DDX60: variants seen among roughly 807,000 people sequenced by gnomAD.
The protein encoded by DDX60 is DExD/H-box helicase 60.
Under a neutral mutation model 212.8 loss-of-function variants are expected in DDX60, and 165 were observed. The ratio of observed to expected loss-of-function variants is 0.78; its 90% CI spans 0.68 to 0.88. The LOEUF (loss-of-function observed/expected upper bound fraction) is 0.88, where lower values mean the gene tolerates loss of function less well. Ranked by LOEUF, DDX60 falls within the 40% of genes least tolerant of loss-of-function variation. The pLI is 0.00. For missense variants in DDX60, 1,905 were observed against 2,003.9 expected (o/e 0.95, Z 0.94); for synonymous variants, 703 against 685.3 (o/e 1.03, Z -0.40).
intron 5 of DDX60, among the ~76,000 whole-genome samples, chr4:168,303,474 T>G (rs1736739002): frequency 6.6e-6 from 1 of 152,066 alleles, no homozygotes. Context: ...GCAACCAGAA[T>G]TGAAAATAGT....
intron 12 of DDX60, 23 bp from the exon 13 acceptor site, chr4:168,283,629 T>C (rs1735693150): frequency 1.3e-6 from 2 of 1,565,882 alleles, no homozygotes; most frequent in African/African-American, 2.7e-5. Flanking sequence ...AGACTTAAAA[T>C]GTAACTTTAT....
intron 14 of DDX60, 86 bp downstream of exon 14, chr4:168,280,249 A>G (rs1384675969): frequency 6.7e-7 from 1 of 1,500,176 alleles, no homozygotes. Context: ...TTCTAATGCA[A>G]ATTTCCAGTT....
chr4:168,291,902 T>C lies in DDX60; in HGVS notation c.887A>G (p.Asn296Ser), dbSNP rs766420171. The C allele has an allele frequency of 1.2e-6, 2 of 1,604,696 alleles. No homozygotes were observed. The highest frequency in any genetic ancestry group is 1.7e-5 in the Admixed American group (1 of 57,960). Residue 296 changes from asparagine to serine, a missense_variant, in exon 8 of 38, where the codon AAC becomes AGC. Transcript: ENST00000393743. ...SGQETEIQQV[N>S]SNCLTLQEME... Reference sequence around the variant, plus strand: ...CTCCTGCAGGGTTAAGCAATTACTGTTCACCTGAATAAAATAAAGAAGGTA... The same window carrying C: ...CTCCTGCAGGGTTAAGCAATTACTGCTCACCTGAATAAAATAAAGAAGGTA...
chr4:168,239,403 T>C (rs951518146), intron 30 of DDX60, among the ~76,000 whole-genome samples: 1 of 147,700 alleles, frequency 6.8e-6, no homozygotes, highest in Admixed American at 6.7e-5. Context: ...GATAGATAGA[T>C]AGATAGATAG....
At chr4:168,223,268 G>A (rs1044971723) in intron 35 of DDX60, among the ~76,000 whole-genome samples, 2 of 151,744 alleles carry the variant, frequency 1.3e-5, no homozygotes, top group South Asian at 2.1e-4. Context: ...TTGTATGTAC[G>A]CTTAGCATTA....
chr4:168,302,541 C>G, intron 5 of DDX60, 125 bp from the exon 6 acceptor site: 1 of 447,476 alleles, frequency 2.2e-6, no homozygotes, highest in Non-Finnish European at 3.9e-6. Context: ...AAAAAATATG[C>G]CAATGTAATT....
chr4:168,267,771 C>A, intron 21 of DDX60, 70 bp downstream of exon 21: 2 of 1,541,452 alleles, frequency 1.3e-6, no homozygotes, highest in East Asian at 2.3e-5. Context: ...GCATCAAGAT[C>A]AAGGCAATGG....
chr4:168,272,282 GTTTCAT>G lies in DDX60; in HGVS notation c.2575-150_2575-145del, dbSNP rs1271590537. On this transcript the variant is annotated intron_variant, in intron 18 of 37. Transcript: ENST00000393743. ...ATAACATTGCTTCTGAGAATTCAGG[GTTTCAT>G]CAAAACTGTGCTATATTCATTGGAA... 1.8e-5 allele frequency: 12 copies of G among 668,442 alleles called. No homozygotes were observed. The East Asian group carries it at 3.4e-4, about 19-fold the overall frequency. 41.4% of individuals were successfully genotyped at this position (668,442 alleles called of 1,614,324 possible). A position where few individuals can be genotyped will look rare whatever the true frequency, so the allele number is the denominator to read the frequency against.
intron 15 of DDX60, 65 bp from the exon 16 acceptor site, chr4:168,275,568 A>C (rs943046719): frequency 5.9e-6 from 8 of 1,366,042 alleles, no homozygotes; most frequent in Non-Finnish European, 6.0e-6. Context: ...AAATAAGTAA[A>C]ACATTTATTA....
intron 36 of DDX60, among the ~76,000 whole-genome samples, chr4:168,221,066 T>C (rs1391052660): frequency 6.6e-6 from 1 of 152,180 alleles, no homozygotes; most frequent in Non-Finnish European, 1.5e-5. Context: ...GCTGCTTTAT[T>C]CACAATGAGT....
chr4:168,282,880 C>T (rs1263788255), intron 13 of DDX60, among the ~76,000 whole-genome samples: 1 of 152,010 alleles, frequency 6.6e-6, no homozygotes, highest in East Asian at 1.9e-4. Context: ...CTTATTTACT[C>T]CTTGTATTCC....
intron 34 of DDX60, 114 bp from the exon 35 acceptor site, chr4:168,224,499 A>G: frequency 1.0e-6 from 1 of 994,852 alleles, no homozygotes; most frequent in Non-Finnish European, 1.5e-6. Context: ...CATGTAATGA[A>G]GACTGAAATG....
At chr4:168,252,734 G>T in intron 26 of DDX60, 78 bp from the exon 27 acceptor site, 1 of 1,182,402 alleles carries the variant, frequency 8.5e-7, no homozygotes, top group Non-Finnish European at 1.2e-6. Context: ...GGCCACCAGA[G>T]GATGCCCAAG....
intron 10 of DDX60, among the ~76,000 whole-genome samples, chr4:168,286,183 A>T (rs543045865): frequency 6.6e-6 from 1 of 152,158 alleles, no homozygotes; most frequent in African/African-American, 2.4e-5. Flanking sequence ...TTTTATTTTC[A>T]AATGTGAATT....
rs1579060581 is a variant in DDX60, at chr4:168,292,047, T to C, written c.883-141A>G. On this transcript the variant is annotated intron_variant, in intron 7 of 37. Transcript: ENST00000393743. ...TTCCTTTCTTTCTTTCTTTCTTTCTTTCTTTTTTTTTTTTTTTTTGAGACA... is the reference window on the plus strand; with the variant it reads ...TTCCTTTCTTTCTTTCTTTCTTTCTCTCTTTTTTTTTTTTTTTTTGAGACA... 8.7e-6 allele frequency: 4 copies of C among 459,772 alleles called. No homozygotes were observed. In the East Asian group the frequency reaches 1.4e-4, roughly 17 times the overall value. 28.5% of individuals were successfully genotyped at this position (459,772 alleles called of 1,614,324 possible).
chr4:168,280,258 T>G, intron 14 of DDX60, 77 bp downstream of exon 14: 2 of 1,516,034 alleles, frequency 1.3e-6, no homozygotes, highest in Non-Finnish European at 1.8e-6. Context: ...AAATTTCCAG[T>G]TAACAAATGG....
chr4:168,305,739 T>C (rs1220070117), intron 5 of DDX60, among the ~76,000 whole-genome samples: 2 of 151,690 alleles, frequency 1.3e-5, no homozygotes. Context: ...AATATACTAA[T>C]GTATCAAAAT....
chr4:168,224,457 T>G, intron 34 of DDX60, 72 bp from the exon 35 acceptor site: 46 of 1,450,184 alleles, frequency 3.2e-5, no homozygotes, highest in Non-Finnish European at 3.6e-5. Context: ...ATACTTTCTC[T>G]AGACCATGTT....
At chr4:168,246,344 T>C in intron 30 of DDX60, 74 bp downstream of exon 30, 1 of 1,574,330 alleles carries the variant, frequency 6.4e-7, no homozygotes, top group Non-Finnish European at 8.7e-7. Context: ...TACAGACTTC[T>C]AAAAGAACAG....
Sources: allele counts gnomAD v4.1 joint callset (sites outside exome capture counted in the v4.1 genomes callset), GRCh38; gene constraint gnomAD v4.1.1; transcripts MANE v1.5; gene names NCBI Gene and HGNC (gene_info 2026-07-23, HGNC 2026-07-21).